Variants in CDH4 observed in about 807,000 individuals in gnomAD.
CDH4 encodes the protein cadherin 4, also known as cadherin-4.
Under a neutral mutation model 86.0 loss-of-function variants are expected in CDH4, and 33 were observed. The ratio of observed to expected loss-of-function variants is 0.38; its 90% CI spans 0.29 to 0.51. CDH4 has a LOEUF of 0.51. Ranked by LOEUF, CDH4 falls within the 20% of genes least tolerant of loss-of-function variation. The pLI, the probability that CDH4 is intolerant of heterozygous loss-of-function variation, is 0.86. For missense variants in CDH4, 1,114 were observed against 1,307.4 expected, an observed-to-expected ratio of 0.85 and a Z score of 2.28; for synonymous variants, 555 against 549.4, an observed-to-expected ratio of 1.01 and a Z score of -0.14.
intron 2 of CDH4, among the ~76,000 whole-genome samples, chr20:61,513,130 G>T (rs1340449072): frequency 6.6e-6 from 1 of 152,132 alleles, no homozygotes. Flanking sequence ...TCCCTTTCCA[G>T]GCACACACAG....
At chr20:61,427,947 C>A (rs2085223848) in intron 2 of CDH4, among the ~76,000 whole-genome samples, 1 of 151,782 alleles carries the variant, frequency 6.6e-6, no homozygotes, top group Non-Finnish European at 1.5e-5. Context: ...TTGATAGCAT[C>A]AGAAAACAAC....
intron 2 of CDH4, among the ~76,000 whole-genome samples, chr20:61,499,096 T>C (rs573704391): frequency 1.3e-5 from 2 of 152,176 alleles, no homozygotes; most frequent in African/African-American, 4.8e-5. Context: ...TCCTCACTGC[T>C]CATGGAAAGG....
intron 2 of CDH4, among the ~76,000 whole-genome samples, chr20:61,652,957 T>TTTTTTTTTTG (rs2087140784): frequency 8.2e-6 from 1 of 122,214 alleles, no homozygotes; most frequent in African/African-American, 2.8e-5. Flanking sequence ...TTTTTTTTTA[T>TTTTTTTTTTG]TGATCATTCT....
intron 6 of CDH4, among the ~76,000 whole-genome samples, chr20:61,868,921 T>A (rs1983673761): frequency 2.6e-5 from 4 of 152,232 alleles, no homozygotes; most frequent in Admixed American, 2.6e-4. Context: ...CTGTGGCACC[T>A]GCAGCTCACA....
In CDH4 at chr20:61,656,921, G is replaced by A. The variant is rs376162755; in HGVS notation, c.170-86642G>A. 3.0e-4 allele frequency among the ~76,000 whole-genome samples: 46 copies of A among 152,252 alleles called. No individual in the cohort carries two copies. The East Asian group carries it at 6.8e-3, about 22-fold the overall frequency. On this transcript the variant is annotated intron_variant, in intron 2 of 15. Coordinates refer to ENST00000614565, the MANE Select transcript of CDH4 (RefSeq NM_001794.5). Reference sequence around the variant, plus strand: ...GCTGCCAGCCTTCACAACCATCAGCGCTCCATGTTGTCACTGCCCAGAAAC... The same window carrying A: ...GCTGCCAGCCTTCACAACCATCAGCACTCCATGTTGTCACTGCCCAGAAAC...
At chr20:61,759,882 A>T (rs904949590) in intron 3 of CDH4, among the ~76,000 whole-genome samples, 1 of 152,222 alleles carries the variant, frequency 6.6e-6, no homozygotes, top group East Asian at 1.9e-4. Flanking sequence ...GGACGCCCCA[A>T]ACAAAGAAGG....
chr20:61,339,428 G>T (rs1217563166), intron 2 of CDH4, among the ~76,000 whole-genome samples: 1 of 151,668 alleles, frequency 6.6e-6, no homozygotes, highest in African/African-American at 2.4e-5. Flanking sequence ...AATTTAGGTG[G>T]AGTGTGTGTG....
At chr20:61,792,492 C>G (rs1360351743) in intron 4 of CDH4, among the ~76,000 whole-genome samples, 1 of 152,160 alleles carries the variant, frequency 6.6e-6, no homozygotes, top group South Asian at 2.1e-4. Context: ...GATTCCCGGG[C>G]TCTGTGTTCA....
At chr20:61,559,760 C>G (rs1015051953) in intron 2 of CDH4, among the ~76,000 whole-genome samples, 25 of 152,038 alleles carry the variant, frequency 1.6e-4, no homozygotes, top group African/African-American at 5.5e-4. Context: ...CTCAAGTGAC[C>G]CACCCACCTC....
rs142289758 is a variant in CDH4, at chr20:61,699,838, C to T, written c.170-43725C>T. On this transcript the variant is annotated intron_variant, in intron 2 of 15. Coordinates refer to ENST00000614565, the MANE Select transcript of CDH4 (RefSeq NM_001794.5). ...GGGGCACACACATGTCGTGACCAGCCTGTAAGAACATCTTCACTTCCAAGG... is the reference window on the plus strand; with the variant it reads ...GGGGCACACACATGTCGTGACCAGCTTGTAAGAACATCTTCACTTCCAAGG... 7.2e-5 allele frequency among the ~76,000 whole-genome samples: 11 copies of T among 152,304 alleles called. No individual in the cohort carries two copies. In the East Asian group the frequency reaches 1.7e-3, roughly 24 times the overall value.
intron 2 of CDH4, among the ~76,000 whole-genome samples, chr20:61,546,621 C>G (rs887731019): frequency 6.6e-6 from 1 of 151,728 alleles, no homozygotes; most frequent in Non-Finnish European, 1.5e-5. Flanking sequence ...CTACAATAGA[C>G]AAGCAGATAT....
intron 2 of CDH4, among the ~76,000 whole-genome samples, chr20:61,385,861 G>T (rs940862592): frequency 2.6e-5 from 4 of 152,196 alleles, no homozygotes; most frequent in Non-Finnish European, 5.9e-5. Flanking sequence ...CAGGCCTCCT[G>T]TTCACCTTGA....
chr20:61,776,728 G>A (rs550192882), intron 4 of CDH4, among the ~76,000 whole-genome samples: 14 of 152,326 alleles, frequency 9.2e-5, no homozygotes, highest in African/African-American at 2.4e-4. Context: ...TGGGCAGGGC[G>A]AGGGTGGCCT....
chr20:61,886,256 G>T (rs1047016284), intron 7 of CDH4, among the ~76,000 whole-genome samples: 1 of 152,216 alleles, frequency 6.6e-6, no homozygotes, highest in Non-Finnish European at 1.5e-5. Context: ...TGGCTGTGCA[G>T]CCGGCCAGCC....
chr20:61,484,915 A>G (rs922926900), intron 2 of CDH4, among the ~76,000 whole-genome samples: 1 of 152,232 alleles, frequency 6.6e-6, no homozygotes, highest in African/African-American at 2.4e-5. Flanking sequence ...AAGCAGATTC[A>G]ATATGTTCAG....
intron 2 of CDH4, among the ~76,000 whole-genome samples, chr20:61,503,063 G>C (rs2085716167): frequency 6.6e-6 from 1 of 152,206 alleles, no homozygotes; most frequent in African/African-American, 2.4e-5. Context: ...TAGACGCGTT[G>C]TAAATACTGT....
At chr20:61,903,016 C>CAAAAAAAAAAAAAAAAAAAAAAAAAAA (rs58490650) in intron 8 of CDH4, among the ~76,000 whole-genome samples, 1 of 83,104 alleles carries the variant, frequency 1.2e-5, no homozygotes, top group Non-Finnish European at 2.4e-5. Flanking sequence ...AAGACTGTCT[C>CAAAAAAAAAAAAAAAAAAAAAAAAAAA]AAAAAAAAAA....
At chr20:61,933,260 G>A (rs1198316268) in intron 14 of CDH4, 136 bp downstream of exon 14, 20 of 1,137,374 alleles carry the variant, frequency 1.8e-5, no homozygotes, top group East Asian at 7.7e-5. Context: ...AGGCAGGGGC[G>A]CACGGTTTCC....
intron 2 of CDH4, among the ~76,000 whole-genome samples, chr20:61,385,096 G>C (rs1435249639): frequency 5.9e-5 from 9 of 151,668 alleles, no homozygotes; most frequent in Admixed American, 5.9e-4. Context: ...AACTGAGTTT[G>C]AACTTGGGGT....
Sources: gnomAD v4.1 joint callset for allele counts (sites outside exome capture counted in the v4.1 genomes callset) on GRCh38, gnomAD v4.1.1 for gene constraint, MANE v1.5 for transcripts, NCBI Gene and HGNC (gene_info 2026-07-23, HGNC 2026-07-21) for gene names.